STARD3NL: variants seen among roughly 807,000 people sequenced by gnomAD.
STARD3NL encodes STARD3 N-terminal-like protein.
STARD3NL carries 17 observed loss-of-function variants against 30.9 expected under a neutral mutation model. That is an observed-to-expected ratio of 0.55 (90% CI 0.38 to 0.82). The LOEUF is 0.82. Ranked by LOEUF, STARD3NL falls within the 40% of genes least tolerant of loss-of-function variation. The pLI is 0.00. For synonymous variants in STARD3NL, 112 were observed against 100.5 expected (o/e 1.11, Z -0.69); for missense variants, 234 against 277.6 (o/e 0.84, Z 1.12).
At chr7:38,206,355 A>G (rs1197525555) in intron 1 of STARD3NL, among the ~76,000 whole-genome samples, 1 of 152,200 alleles carries the variant, frequency 6.6e-6, no homozygotes, top group Admixed American at 6.5e-5. Flanking sequence ...TCATGGCTAA[A>G]GAACAGATAG....
chr7:38,219,645 C>A lies in STARD3NL; in HGVS notation c.634C>A (p.Pro212Thr). The change falls in exon 7 of 9, where the codon CCT (proline) becomes ACT (threonine). Residue 212 changes from proline (P) to threonine (T), a missense_variant. Physicochemically the swap from Pro to Thr is conservative, Grantham distance 38 (BLOSUM62 -1). Transcript: ENST00000009041. ...GLSDGQFYSP[P>T]ESEAGSEEAE... Reference sequence around the variant, plus strand: ...TTCTGATGGTCAGTTTTATTCCCCTCCTGAATCCGAAGCAGGTAAAAAACT... The same window carrying A: ...TTCTGATGGTCAGTTTTATTCCCCTACTGAATCCGAAGCAGGTAAAAAACT... 2 of 1,612,418 alleles carry A rather than the reference C, an allele frequency of 1.2e-6. No individual in the cohort carries two copies. Among genetic ancestry groups the A allele is most frequent in the Non-Finnish European group, 1.7e-6 (2 of 1,178,730 alleles).
At chr7:38,226,400 G>C (rs1436668245) in intron 7 of STARD3NL, among the ~76,000 whole-genome samples, 2 of 151,906 alleles carry the variant, frequency 1.3e-5, no homozygotes, top group African/African-American at 4.8e-5. Context: ...AGCTTCCTAG[G>C]AGTTACCCAT....
At chr7:38,209,725 G>A (rs1289611935) in intron 2 of STARD3NL, among the ~76,000 whole-genome samples, 2 of 152,160 alleles carry the variant, frequency 1.3e-5, no homozygotes, top group Non-Finnish European at 2.9e-5. Context: ...GGAAAGTCAT[G>A]GGGTAGAACT....
chr7:38,211,922 GACC>G (rs1785826409), intron 2 of STARD3NL, among the ~76,000 whole-genome samples: 5 of 152,182 alleles, frequency 3.3e-5, no homozygotes, highest in Admixed American at 3.3e-4. Flanking sequence ...TTCAAAATGT[GACC>G]ACTTCTCTTC....
intron 1 of STARD3NL, among the ~76,000 whole-genome samples, chr7:38,195,217 T>C (rs753801743): frequency 6.6e-6 from 1 of 152,050 alleles, no homozygotes; most frequent in Non-Finnish European, 1.5e-5. Flanking sequence ...TCACCATGCT[T>C]GGCTAATTTT....
chr7:38,215,153 C>A, intron 4 of STARD3NL, 48 bp downstream of exon 4: 1 of 1,559,432 alleles, frequency 6.4e-7, no homozygotes, highest in Non-Finnish European at 8.8e-7. Context: ...TGCTGGTGGC[C>A]AAGTCCTGCT....
At chr7:38,213,712 G>A (rs560367390) in intron 2 of STARD3NL, among the ~76,000 whole-genome samples, 15 of 152,294 alleles carry the variant, frequency 9.8e-5, no homozygotes, top group African/African-American at 3.1e-4. Flanking sequence ...TTTTGAGCTC[G>A]ATAATACAAG....
chr7:38,224,276 C>T (rs1786630429), intron 7 of STARD3NL, among the ~76,000 whole-genome samples: 1 of 152,162 alleles, frequency 6.6e-6, no homozygotes. Flanking sequence ...CATGTACATG[C>T]CTCTGTGTGG....
chr7:38,182,305 G>T (rs1241933191), intron 1 of STARD3NL, among the ~76,000 whole-genome samples: 1 of 152,058 alleles, frequency 6.6e-6, no homozygotes, highest in African/African-American at 2.4e-5. Context: ...GTTATCAAGG[G>T]GTCCTTTGAG....
intron 1 of STARD3NL, among the ~76,000 whole-genome samples, chr7:38,196,491 T>C (rs1263896963): frequency 6.6e-6 from 1 of 152,218 alleles, no homozygotes; most frequent in Non-Finnish European, 1.5e-5. Context: ...TATTCCCCAT[T>C]GTAGACCTGA....
At chr7:38,192,282 T>TTTG (rs970884135) in intron 1 of STARD3NL, among the ~76,000 whole-genome samples, 4 of 138,832 alleles carry the variant, frequency 2.9e-5, no homozygotes, top group Non-Finnish European at 4.8e-5. Context: ...TTAACAAAGT[T>TTTG]TTGTTGTTGT....
chr7:38,185,753 T>C (rs1784432841), intron 1 of STARD3NL, among the ~76,000 whole-genome samples: 1 of 152,214 alleles, frequency 6.6e-6, no homozygotes, highest in African/African-American at 2.4e-5. Context: ...GGAATTCAGC[T>C]TCTGTTTTCT....
At chr7:38,204,930 A>C (rs1259297836) in intron 1 of STARD3NL, among the ~76,000 whole-genome samples, 1 of 152,182 alleles carries the variant, frequency 6.6e-6, no homozygotes, top group East Asian at 1.9e-4. Context: ...CCCAAGACTA[A>C]ACCAGGAAGA....
chr7:38,215,172 G>A, intron 4 of STARD3NL, 67 bp downstream of exon 4: 3 of 1,472,988 alleles, frequency 2.0e-6, no homozygotes, highest in South Asian at 2.3e-5. Flanking sequence ...CTCTCAACAG[G>A]CCTGGGCTGG....
chr7:38,208,142 C>T (rs1481427476), intron 2 of STARD3NL, among the ~76,000 whole-genome samples: 1 of 152,144 alleles, frequency 6.6e-6, no homozygotes, highest in Non-Finnish European at 1.5e-5. Flanking sequence ...CTCTGACCCA[C>T]AAAGGCAAAA....
intron 1 of STARD3NL, among the ~76,000 whole-genome samples, chr7:38,187,689 G>A (rs1784519390): frequency 6.6e-6 from 1 of 151,736 alleles, no homozygotes; most frequent in African/African-American, 2.4e-5. Context: ...CCTATCTTAT[G>A]TTTTAAAATT....
intron 1 of STARD3NL, among the ~76,000 whole-genome samples, chr7:38,178,845 C>T (rs1784128689): frequency 1.5e-5 from 2 of 136,034 alleles, no homozygotes; most frequent in Non-Finnish European, 3.1e-5. Context: ...CTCTTCTATT[C>T]ATTGAGAAAA....
At chr7:38,224,313 G>T (rs1180648107) in intron 7 of STARD3NL, among the ~76,000 whole-genome samples, 2 of 152,182 alleles carry the variant, frequency 1.3e-5, no homozygotes, top group African/African-American at 2.4e-5. Context: ...TTCTTGAACA[G>T]ATTTCTAAGA....
intron 1 of STARD3NL, among the ~76,000 whole-genome samples, chr7:38,189,652 A>C (rs995415972): frequency 1.3e-5 from 2 of 152,206 alleles, no homozygotes; most frequent in African/African-American, 4.8e-5. Context: ...ATAATAAAAC[A>C]CCATTTTCAG....
Sources: allele counts gnomAD v4.1 joint callset (sites outside exome capture counted in the v4.1 genomes callset), GRCh38; gene constraint gnomAD v4.1.1; transcripts MANE v1.5; gene names NCBI Gene and HGNC (gene_info 2026-07-23, HGNC 2026-07-21).